LPP: variants seen among roughly 807,000 people sequenced by gnomAD.
LPP encodes the protein LIM domain containing preferred translocation partner in lipoma, also known as lipoma-preferred partner.
In LPP, 38 loss-of-function variants were observed where a neutral mutation model predicts 60.4. That is an observed-to-expected ratio of 0.63 (90% CI 0.49 to 0.83). The LOEUF (loss-of-function observed/expected upper bound fraction) is 0.83, where lower values mean the gene tolerates loss of function less well. Among genes scored for constraint, LPP ranks in the 40% least tolerant of loss-of-function variants. The probability of loss-of-function intolerance (pLI) is 0.00; values close to 1 mark genes in which losing one functional copy is unlikely to be tolerated. For missense variants in LPP, 902 were observed against 783.6 expected, an observed-to-expected ratio of 1.15 and a Z score of -1.80; for synonymous variants, 328 against 290.8, an observed-to-expected ratio of 1.13 and a Z score of -1.30.
chr3:188,365,068 CCTT>C (rs1770703008), intron 3 of LPP, among the ~76,000 whole-genome samples: 2 of 151,224 alleles, frequency 1.3e-5, no homozygotes, highest in South Asian at 2.1e-4. Context: ...ATTGAGTCCT[CCTT>C]ATGTTTTTTT....
intron 6 of LPP, among the ~76,000 whole-genome samples, chr3:188,581,647 G>T (rs181927232): frequency 1.3e-5 from 2 of 151,946 alleles, no homozygotes; most frequent in Admixed American, 6.6e-5. Flanking sequence ...TCACTCATCT[G>T]TAACTCTCAT....
intron 6 of LPP, among the ~76,000 whole-genome samples, chr3:188,590,508 A>G (rs781568181): frequency 1.5e-4 from 23 of 152,188 alleles, no homozygotes; most frequent in Non-Finnish European, 3.2e-4. Flanking sequence ...TGGCAAGCAG[A>G]GGTTGCAGCG....
chr3:188,688,669 T>C, intron 7 of LPP: 1 of 422,348 alleles, frequency 2.4e-6, no homozygotes, highest in Non-Finnish European at 4.7e-6. Context: ...GTTTGTATTT[T>C]ATGAAGGGCA....
At chr3:188,483,739 C>T (rs749237439) in intron 4 of LPP, among the ~76,000 whole-genome samples, 3 of 152,102 alleles carry the variant, frequency 2.0e-5, no homozygotes, top group Non-Finnish European at 4.4e-5. Flanking sequence ...CCCAAAGTCT[C>T]ATTACTTCTT....
rs999360357 is a variant in LPP, at chr3:188,352,783, G to A, written c.-10+11064G>A. Reference sequence around the variant, plus strand: ...AGAGGGATGGGCTGGTGACACTGCCGTGCCTAGGAGTGGGCAGAGAAGGTG... The same window carrying A: ...AGAGGGATGGGCTGGTGACACTGCCATGCCTAGGAGTGGGCAGAGAAGGTG... On this transcript the variant is annotated intron_variant, in intron 3 of 11. Coordinates refer to ENST00000617246, the MANE Select transcript of LPP (RefSeq NM_001375462.1). This position sits in a 1 kb window ranked among gnomAD's most constrained non-coding sequence, Gnocchi z 4.4. Among the ~76,000 whole-genome samples the A allele has an allele frequency of 6.6e-6, 1 of 152,170 alleles. No individual in the cohort carries two copies. Among genetic ancestry groups the A allele is most frequent in the Non-Finnish European group, 1.5e-5 (1 of 68,036 alleles).
chr3:188,315,983 G>A (rs1256254697), intron 2 of LPP, among the ~76,000 whole-genome samples: 1 of 152,150 alleles, frequency 6.6e-6, no homozygotes, highest in Non-Finnish European at 1.5e-5. Context: ...TCTTTCTAAA[G>A]ATTAGCCTGT....
At chr3:188,332,797 C>T (rs1320446569) in intron 2 of LPP, among the ~76,000 whole-genome samples, 1 of 152,176 alleles carries the variant, frequency 6.6e-6, no homozygotes, top group Non-Finnish European at 1.5e-5. Context: ...GCCTCAGACT[C>T]TACTAGAAAG....
intron 8 of LPP, among the ~76,000 whole-genome samples, chr3:188,720,232 G>A (rs1243679091): frequency 2.0e-5 from 3 of 152,058 alleles, no homozygotes; most frequent in Non-Finnish European, 4.4e-5. Context: ...TTAATTGACC[G>A]ATTCTTTCCT....
chr3:188,605,899 C>T (rs375676981), intron 6 of LPP, among the ~76,000 whole-genome samples: 1 of 152,278 alleles, frequency 6.6e-6, no homozygotes, highest in African/African-American at 2.4e-5. Flanking sequence ...GAGGAAACCA[C>T]CTCCTGATGG....
intron 5 of LPP, among the ~76,000 whole-genome samples, chr3:188,500,355 T>G (rs1175059375): frequency 6.6e-6 from 1 of 152,144 alleles, no homozygotes; most frequent in Non-Finnish European, 1.5e-5. Flanking sequence ...GAAGATAACT[T>G]TTTTTCCATT....
chr3:188,380,652 A>G (rs937735123), intron 3 of LPP, among the ~76,000 whole-genome samples: 2 of 152,210 alleles, frequency 1.3e-5, no homozygotes, highest in Non-Finnish European at 2.9e-5. Context: ...TTGAGATTAC[A>G]TGGTTCAAAT....
chr3:188,700,542 T>C (rs1276655462), intron 7 of LPP, among the ~76,000 whole-genome samples: 2 of 152,182 alleles, frequency 1.3e-5, no homozygotes, highest in African/African-American at 4.8e-5. Context: ...GAAAGGATGA[T>C]GGATATTTTT....
At position 188,348,245 on chromosome 3, in the gene LPP, C is replaced by T. The variant is rs150065802; in HGVS notation, c.-10+6526C>T. Among the ~76,000 whole-genome samples the T allele has an allele frequency of 2.5e-3, 384 of 152,168 alleles. 3 individuals are homozygous for T. Among genetic ancestry groups the T allele is most frequent in the African/African-American group, 8.9e-3 (368 of 41,508 alleles). ...CACTGCAACCTCTGCCTCCTGGGTT[C>T]AAGCGATTCTCCTGCTTCAGCCTCT... On this transcript the variant is annotated intron_variant, in intron 3 of 11. Transcript: ENST00000617246.
intron 7 of LPP, among the ~76,000 whole-genome samples, chr3:188,623,366 T>G (rs1481533624): frequency 1.3e-5 from 2 of 151,626 alleles, no homozygotes; most frequent in Non-Finnish European, 2.9e-5. Context: ...CAGGTGATTC[T>G]CCCGCCTCAG....
chr3:188,314,616 A>C (rs550219393), intron 2 of LPP, among the ~76,000 whole-genome samples: 1 of 146,064 alleles, frequency 6.8e-6, no homozygotes, highest in Non-Finnish European at 1.5e-5. Context: ...TGTGTGTGTG[A>C]TCGAGACCAT....
At chr3:188,848,705 C>T (rs904403219) in intron 9 of LPP, among the ~76,000 whole-genome samples, 4 of 152,156 alleles carry the variant, frequency 2.6e-5, no homozygotes, top group Non-Finnish European at 5.9e-5. Context: ...CAGTGGCTCA[C>T]GCCTATAATC....
In LPP at chr3:188,517,425, T is replaced by C. The variant is rs543570687; in HGVS notation, c.307-7240T>C. The stretch of plus-strand genomic sequence containing the variant: ...TCAAGAGAAACTAGATAGAAATAGT[T>C]TGGATATCTGTCCCCTCCAAATCTC... On this transcript the variant is annotated intron_variant, in intron 5 of 11. Transcript: ENST00000617246. Among the ~76,000 whole-genome samples the C allele has an allele frequency of 6.6e-5, 10 of 152,314 alleles. No homozygotes were observed. In the South Asian group the frequency reaches 2.1e-3, roughly 32 times the overall value.
At chr3:188,549,840 G>A (rs1827610523) in intron 6 of LPP, among the ~76,000 whole-genome samples, 1 of 152,152 alleles carries the variant, frequency 6.6e-6, no homozygotes, top group Non-Finnish European at 1.5e-5. Context: ...AACAATAAAT[G>A]TTTGCAGCCT....
intron 3 of LPP, among the ~76,000 whole-genome samples, chr3:188,354,498 A>G (rs1766919957): frequency 6.6e-6 from 1 of 152,184 alleles, no homozygotes; most frequent in Non-Finnish European, 1.5e-5. Context: ...AATGTATATA[A>G]TAACTTTGGA....
Sources: gnomAD v4.1 joint callset for allele counts (sites outside exome capture counted in the v4.1 genomes callset) on GRCh38, gnomAD v4.1.1 for gene constraint, Gnocchi (gnomAD v3.1) non-coding constraint, MANE v1.5 for transcripts, NCBI Gene and HGNC (gene_info 2026-07-23, HGNC 2026-07-21) for gene names.